The following SNTG1 variants were observed in gnomAD, a reference collection of about 807,000 sequenced individuals.
SNTG1 encodes syntrophin gamma 1.
A neutral mutation model predicts 74.7 loss-of-function variants in SNTG1; 39 were observed. The observed-to-expected ratio is 0.52, with a 90% CI of 0.40 to 0.68. The LOEUF is 0.68. SNTG1 is among the 30% of genes least tolerant of loss of function. SNTG1 has a pLI of 0.00. For missense variants in SNTG1, 685 were observed against 609.5 expected (o/e 1.12, Z -1.30); for synonymous variants, 254 against 217.1 (o/e 1.17, Z -1.49).
chr8:50,036,986 CAAT>C (rs1443003589), intron 1 of SNTG1, among the ~76,000 whole-genome samples: 1 of 152,164 alleles, frequency 6.6e-6, no homozygotes, highest in Non-Finnish European at 1.5e-5. Flanking sequence ...CTGTAAATTT[CAAT>C]AATATGAGTT....
chr8:50,571,775 C>T (rs534139881), intron 12 of SNTG1, among the ~76,000 whole-genome samples: 1 of 152,274 alleles, frequency 6.6e-6, no homozygotes, highest in Non-Finnish European at 1.5e-5. Context: ...CACCTCCTAC[C>T]AGGCATAGGA....
intron 2 of SNTG1, among the ~76,000 whole-genome samples, chr8:50,376,752 TATATAG>T (rs1295408560): frequency 0.016 from 1,586 of 100,668 alleles, 13 homozygotes; most frequent in South Asian, 0.025. Flanking sequence ...TATATATATA[TATATAG>T]AGAGAGAGAG....
intron 15 of SNTG1, among the ~76,000 whole-genome samples, chr8:50,693,606 C>T (rs1308320735): frequency 6.6e-6 from 1 of 152,070 alleles, no homozygotes; most frequent in Non-Finnish European, 1.5e-5. Flanking sequence ...ATGCGTTAGA[C>T]CAAATGAACC....
intron 2 of SNTG1, among the ~76,000 whole-genome samples, chr8:50,251,884 A>G (rs1055843032): frequency 1.3e-5 from 2 of 152,126 alleles, no homozygotes; most frequent in Admixed American, 6.6e-5. Flanking sequence ...TTTACAGAAC[A>G]TTCCATCTAC....
At chr8:50,689,226 A>T (rs1384600109) in intron 15 of SNTG1, among the ~76,000 whole-genome samples, 1 of 152,036 alleles carries the variant, frequency 6.6e-6, no homozygotes, top group African/African-American at 2.4e-5. Context: ...TCTTTTCCTA[A>T]TTGAATAGCC....
At chr8:50,238,798 A>T (rs902691977) in intron 2 of SNTG1, among the ~76,000 whole-genome samples, 3 of 152,192 alleles carry the variant, frequency 2.0e-5, no homozygotes, top group Admixed American at 2.0e-4. Flanking sequence ...ATTTGCAAGA[A>T]GAAAACAAAC....
intron 13 of SNTG1, among the ~76,000 whole-genome samples, chr8:50,591,121 T>A (rs1585780152): frequency 6.6e-6 from 1 of 152,232 alleles, no homozygotes; most frequent in Admixed American, 6.5e-5. Flanking sequence ...ACTTTAAAAA[T>A]GTTTATCTAA....
chr8:50,177,756 G>A (rs2083053480), intron 2 of SNTG1, among the ~76,000 whole-genome samples: 1 of 152,184 alleles, frequency 6.6e-6, no homozygotes, highest in Admixed American at 6.5e-5. Context: ...ATTCAAATGA[G>A]TGCTTTGTGT....
At position 50,700,490 on chromosome 8, in the gene SNTG1, CTT is replaced by C. The variant is rs560276975; in HGVS notation, c.1039-4109_1039-4108del. Among the ~76,000 whole-genome samples the C allele has an allele frequency of 5.3e-5, 8 of 152,172 alleles. No homozygotes were observed. The South Asian group carries it at 8.3e-4, about 16-fold the overall frequency. ...TTTCTCCTCCTCCCACCCATCCACTCTTAGCCATCTAAAGCTTAGAGTCTATG... is the reference window on the plus strand; with the variant it reads ...TTTCTCCTCCTCCCACCCATCCACTCAGCCATCTAAAGCTTAGAGTCTATG... On this transcript the variant is annotated intron_variant, in intron 15 of 18. Coordinates refer to ENST00000642720, the MANE Select transcript of SNTG1 (RefSeq NM_018967.5).
chr8:50,542,358 T>C (rs1303392794), intron 11 of SNTG1, among the ~76,000 whole-genome samples: 1 of 151,986 alleles, frequency 6.6e-6, no homozygotes, highest in South Asian at 2.1e-4. Flanking sequence ...GGTTTCATCA[T>C]GTTGGCTAGC....
intron 2 of SNTG1, among the ~76,000 whole-genome samples, chr8:50,268,643 A>T (rs1323081885): frequency 1.4e-5 from 2 of 144,382 alleles, no homozygotes; most frequent in African/African-American, 2.5e-5. Context: ...ATACATACTC[A>T]TACATATTCA....
intron 2 of SNTG1, among the ~76,000 whole-genome samples, chr8:50,226,700 C>A (rs971887582): frequency 1.6e-4 from 24 of 152,198 alleles, no homozygotes; most frequent in African/African-American, 5.3e-4. Context: ...CTTTCTGAAC[C>A]AAATCAATGT....
At chr8:49,989,278 C>A (rs2130282119) in intron 1 of SNTG1, among the ~76,000 whole-genome samples, 1 of 151,780 alleles carries the variant, frequency 6.6e-6, no homozygotes, top group Non-Finnish European at 1.5e-5. Context: ...TTAATAATGA[C>A]CTTACAAAAT....
intron 1 of SNTG1, among the ~76,000 whole-genome samples, chr8:50,014,558 C>T (rs1414926867): frequency 6.6e-6 from 1 of 152,206 alleles, no homozygotes; most frequent in African/African-American, 2.4e-5. Context: ...CCACCAGCTA[C>T]TCACTGACCT....
chr8:50,619,982 G>A (rs1377558370), intron 13 of SNTG1, among the ~76,000 whole-genome samples: 1 of 151,466 alleles, frequency 6.6e-6, no homozygotes, highest in Non-Finnish European at 1.5e-5. Context: ...CACAAATTCA[G>A]CAGCTTAAAC....
chr8:50,576,775 A>G (rs2094579064), intron 12 of SNTG1, among the ~76,000 whole-genome samples: 3 of 152,114 alleles, frequency 2.0e-5, no homozygotes, highest in Non-Finnish European at 4.4e-5. Context: ...TTGTTATTAC[A>G]TAGAAATGCA....
At chr8:50,052,875 G>A (rs1173141592) in intron 1 of SNTG1, among the ~76,000 whole-genome samples, 1 of 152,122 alleles carries the variant, frequency 6.6e-6, no homozygotes, top group Non-Finnish European at 1.5e-5. Flanking sequence ...ATCACTTTAT[G>A]TCCACTAGGA....
intron 2 of SNTG1, among the ~76,000 whole-genome samples, chr8:50,223,747 A>G (rs1446591431): frequency 6.6e-6 from 1 of 152,188 alleles, no homozygotes; most frequent in Non-Finnish European, 1.5e-5. Flanking sequence ...AAAGAGCTAC[A>G]GCAAATTTAT....
chr8:50,458,799 T>A (rs1350052244), intron 8 of SNTG1, among the ~76,000 whole-genome samples: 3 of 152,058 alleles, frequency 2.0e-5, no homozygotes, highest in Non-Finnish European at 4.4e-5. Context: ...TTCTAAGAGT[T>A]TGTTTACATA....
Sources: allele counts gnomAD v4.1 joint callset (sites outside exome capture counted in the v4.1 genomes callset), GRCh38; gene constraint gnomAD v4.1.1; transcripts MANE v1.5; gene names NCBI Gene and HGNC (gene_info 2026-07-23, HGNC 2026-07-21).